SHISA6: variants seen among roughly 807,000 people sequenced by gnomAD.
SHISA6 encodes the protein shisa family member 6.
SHISA6 carries 22 observed loss-of-function variants against 47.9 expected under a neutral mutation model. That is an observed-to-expected ratio of 0.46 (90% CI 0.33 to 0.66). The LOEUF is 0.66. Ranked by LOEUF, SHISA6 falls within the 30% of genes least tolerant of loss-of-function variation. The pLI is 0.02. For missense variants in SHISA6, 680 were observed against 764.6 expected (o/e 0.89, Z 1.30); for synonymous variants, 388 against 337.8 (o/e 1.15, Z -1.63).
At chr17:11,321,469 C>T (rs1458008217) in intron 2 of SHISA6, among the ~76,000 whole-genome samples, 1 of 152,176 alleles carries the variant, frequency 6.6e-6, no homozygotes, top group African/African-American at 2.4e-5. Context: ...AGATTATTTG[C>T]ATCTTTCTAC....
At chr17:11,343,188 T>C (rs16944611) in intron 2 of SHISA6, among the ~76,000 whole-genome samples, 32,576 of 152,178 alleles carry the variant, frequency 0.21, 3,895 homozygotes, top group African/African-American at 0.3. Context: ...AATTGTGCAT[T>C]ATTTCAGTGT....
intron 2 of SHISA6, among the ~76,000 whole-genome samples, chr17:11,350,178 A>ATT (rs199879665): frequency 2.0e-5 from 2 of 101,162 alleles, no homozygotes; most frequent in African/African-American, 3.9e-5. Flanking sequence ...TTATTTATTT[A>ATT]TTTATTTTTT....
At chr17:11,432,628 C>T (rs1467849638) in intron 3 of SHISA6, among the ~76,000 whole-genome samples, 1 of 152,124 alleles carries the variant, frequency 6.6e-6, no homozygotes, top group Non-Finnish European at 1.5e-5. Flanking sequence ...AGGGGAGAAA[C>T]CACTTTATCT....
intron 3 of SHISA6, among the ~76,000 whole-genome samples, chr17:11,478,865 G>A (rs1916141727): frequency 6.8e-6 from 1 of 146,020 alleles, no homozygotes; most frequent in Non-Finnish European, 1.5e-5. Context: ...GATGCCTCCA[G>A]CTTTGTTCTT....
At chr17:11,318,236 A>G (rs1454192296) in intron 2 of SHISA6, among the ~76,000 whole-genome samples, 1 of 152,182 alleles carries the variant, frequency 6.6e-6, no homozygotes, top group Non-Finnish European at 1.5e-5. Flanking sequence ...TATGACACCT[A>G]GTTTTGCAGC....
At chr17:11,388,790 T>TTATATATATATATATATATA (rs56048344) in intron 3 of SHISA6, among the ~76,000 whole-genome samples, 1 of 50,020 alleles carries the variant, frequency 2.0e-5, no homozygotes, top group Non-Finnish European at 3.8e-5. Context: ...AAACAAAAGT[T>TTATATATATATATATATATA]TATATATATA....
At chr17:11,318,069 A>T (rs1434547205) in intron 2 of SHISA6, among the ~76,000 whole-genome samples, 1 of 152,080 alleles carries the variant, frequency 6.6e-6, no homozygotes, top group African/African-American at 2.4e-5. Context: ...AATTTTTTTT[A>T]TGTATTTCTG....
chr17:11,556,099 A>G (rs1264999072), intron 5 of SHISA6, among the ~76,000 whole-genome samples: 4 of 152,236 alleles, frequency 2.6e-5, no homozygotes, highest in Admixed American at 6.5e-5. Context: ...TAGAAAGAAG[A>G]CCATGGAATC....
intron 2 of SHISA6, among the ~76,000 whole-genome samples, chr17:11,377,774 C>T (rs1912857193): frequency 6.6e-6 from 1 of 152,170 alleles, no homozygotes; most frequent in South Asian, 2.1e-4. Flanking sequence ...GGCAGTGGTT[C>T]TCATTTCCGG....
chr17:11,477,783 T>A (rs1597539546), intron 3 of SHISA6, among the ~76,000 whole-genome samples: 1 of 151,230 alleles, frequency 6.6e-6, no homozygotes, highest in East Asian at 1.9e-4. Context: ...TATTCCATGG[T>A]GTATATGTGC....
intron 3 of SHISA6, among the ~76,000 whole-genome samples, chr17:11,493,331 A>G (rs943333299): frequency 8.5e-5 from 13 of 152,080 alleles, no homozygotes; most frequent in African/African-American, 3.1e-4. Flanking sequence ...AGTTCAAGCA[A>G]TTCTCCTGCC....
intron 3 of SHISA6, among the ~76,000 whole-genome samples, chr17:11,404,239 T>TC (rs778611737): frequency 2.6e-5 from 4 of 152,242 alleles, no homozygotes; most frequent in Admixed American, 6.5e-5. Flanking sequence ...ATTCATTCGT[T>TC]CAATCTGTGA....
At position 11,558,347 on chromosome 17, in the gene SHISA6, G is replaced by T; in HGVS notation, c.*43G>T. 2 of 1,514,704 alleles carry T rather than the reference G, an allele frequency of 1.3e-6. 1 individual carries two copies. Among genetic ancestry groups the T allele is most frequent in the Middle Eastern group, 3.4e-4 (2 of 5,866 alleles). The allele number at this position is 1,514,704 out of a possible 1,614,324, so 93.8% of individuals were successfully genotyped here. A position where few individuals can be genotyped will look rare whatever the true frequency, so the allele number is the denominator to read the frequency against. On this transcript the variant is annotated 3_prime_UTR_variant, in exon 6 of 6. Coordinates refer to ENST00000441885, the MANE Select transcript of SHISA6 (RefSeq NM_207386.4). ...GGGCTGCTGGGCGTGGCAGAGCAGA[G>T]CGGGGGCCGGGAGGGGCCAGGAGCA... is the stretch of plus-strand genomic sequence containing the variant.
intron 3 of SHISA6, among the ~76,000 whole-genome samples, chr17:11,398,114 T>C (rs936014499): frequency 2.0e-5 from 3 of 152,204 alleles, no homozygotes; most frequent in African/African-American, 7.2e-5. Flanking sequence ...TCATGGTTAG[T>C]TTTGCGTAAT....
At chr17:11,442,386 T>C (rs1428836238) in intron 3 of SHISA6, among the ~76,000 whole-genome samples, 1 of 152,040 alleles carries the variant, frequency 6.6e-6, no homozygotes, top group East Asian at 1.9e-4. Context: ...CCAAAACACC[T>C]ATCTATCCTT....
At chr17:11,302,127 C>T (rs1186710643) in intron 2 of SHISA6, among the ~76,000 whole-genome samples, 1 of 152,216 alleles carries the variant, frequency 6.6e-6, no homozygotes, top group Non-Finnish European at 1.5e-5. Context: ...GCCCCTCCCA[C>T]AACACATGGG....
At chr17:11,366,147 T>C (rs2142233783) in intron 2 of SHISA6, among the ~76,000 whole-genome samples, 1 of 152,340 alleles carries the variant, frequency 6.6e-6, no homozygotes. Context: ...ATTTTACATT[T>C]GTATATATGT....
chr17:11,478,720 C>T (rs1916135708), intron 3 of SHISA6, among the ~76,000 whole-genome samples: 1 of 100,656 alleles, frequency 9.9e-6, no homozygotes, highest in African/African-American at 3.9e-5. Context: ...TGTCAAAGAT[C>T]AGATAGTTGT....
At chr17:11,299,657 T>C (rs2142176059) in intron 2 of SHISA6, among the ~76,000 whole-genome samples, 1 of 152,254 alleles carries the variant, frequency 6.6e-6, no homozygotes, top group African/African-American at 2.4e-5. Flanking sequence ...TGGCTTACGG[T>C]CCTTTCCTGC....
Sources: allele counts gnomAD v4.1 joint callset (sites outside exome capture counted in the v4.1 genomes callset), GRCh38; gene constraint gnomAD v4.1.1; transcripts MANE v1.5; gene names NCBI Gene and HGNC (gene_info 2026-07-23, HGNC 2026-07-21).